Variants in ANO4 observed in about 807,000 individuals in gnomAD.
ANO4 encodes the protein anoctamin 4.
A neutral mutation model predicts 141.9 loss-of-function variants in ANO4; 69 were observed. The observed-to-expected ratio is 0.49, with a 90% CI of 0.40 to 0.59. ANO4 has a LOEUF of 0.59. ANO4 is among the 20% of genes least tolerant of loss of function. ANO4 has a pLI of 0.00. For missense variants in ANO4, 894 were observed against 1,162.2 expected (o/e 0.77, Z 3.36); for synonymous variants, 350 against 394.3 (o/e 0.89, Z 1.33).
At chr12:100,742,602 A>G (rs2031919757) in intron 3 of ANO4, among the ~76,000 whole-genome samples, 1 of 152,190 alleles carries the variant, frequency 6.6e-6, no homozygotes, top group South Asian at 2.1e-4. Context: ...TTTAGGCACA[A>G]TATAACTATA....
intron 1 of ANO4, among the ~76,000 whole-genome samples, chr12:100,801,093 G>GTCTC (rs35462149): frequency 0.033 from 4,898 of 147,204 alleles, 113 homozygotes; most frequent in African/African-American, 0.067. Flanking sequence ...TTGTCTACTT[G>GTCTC]TCTCTCTCTC....
chr12:100,939,211 A>C, intron 3 of ANO4, 104 bp from the exon 4 acceptor site: 1 of 1,186,244 alleles, frequency 8.4e-7, no homozygotes, highest in Non-Finnish European at 1.2e-6. Flanking sequence ...AGTTAATGAA[A>C]TGATGAGAAA....
At position 101,111,797 on chromosome 12, in the gene ANO4, A is replaced by G. The variant is rs572599789; in HGVS notation, c.2450+87A>G. The G allele has an allele frequency of 2.4e-5, 30 of 1,229,960 alleles. No homozygotes were observed. In the African/African-American group the frequency reaches 3.9e-4, roughly 16 times the overall value. The allele number at this position is 1,229,960 out of a possible 1,614,324, so 76.2% of individuals were successfully genotyped here. A position where few individuals can be genotyped will look rare whatever the true frequency, so the allele number is the denominator to read the frequency against. On this transcript the variant is annotated intron_variant, in intron 24 of 27. Coordinates refer to ENST00000392977, the MANE Select transcript of ANO4 (RefSeq NM_001286615.2). ...ACTCAGACAGAAGACTGCACTGGAG[A>G]ATATGGAATACATGCCCAGAAGGAG...
intron 1 of ANO4, among the ~76,000 whole-genome samples, chr12:100,832,154 C>A (rs575202764): frequency 6.6e-6 from 1 of 152,038 alleles, no homozygotes; most frequent in Non-Finnish European, 1.5e-5. Context: ...TTCCCCACCC[C>A]CCAATCCTCT....
intron 27 of ANO4, among the ~76,000 whole-genome samples, chr12:101,127,420 T>C (rs575730340): frequency 2.9e-4 from 44 of 152,164 alleles, no homozygotes; most frequent in Admixed American, 2.4e-3. Context: ...AACATGCCCC[T>C]TCTTTCTAGG....
At chr12:100,775,328 T>C (rs1285086531) in intron 3 of ANO4, among the ~76,000 whole-genome samples, 1 of 152,232 alleles carries the variant, frequency 6.6e-6, no homozygotes, top group Non-Finnish European at 1.5e-5. Flanking sequence ...CAGAGTTTGA[T>C]ATCAGAAGGA....
chr12:100,789,573 C>T (rs748225014), intron 3 of ANO4, among the ~76,000 whole-genome samples: 11 of 152,242 alleles, frequency 7.2e-5, no homozygotes, highest in Admixed American at 3.9e-4. Flanking sequence ...CAAAGATAAG[C>T]GGGACAAGTT....
intron 17 of ANO4, among the ~76,000 whole-genome samples, chr12:101,093,477 T>A (rs958666837): frequency 1.6e-4 from 25 of 152,296 alleles, no homozygotes; most frequent in African/African-American, 6.0e-4. Context: ...ATCTTCATAT[T>A]GTTCCAGTCT....
At chr12:100,939,288 C>T (rs763996112) in intron 3 of ANO4, 27 bp from the exon 4 acceptor site, 3 of 1,602,960 alleles carry the variant, frequency 1.9e-6, no homozygotes, top group Non-Finnish European at 2.6e-6. Flanking sequence ...TTTTACCCAC[C>T]TTATAATGTA....
intron 1 of ANO4, among the ~76,000 whole-genome samples, chr12:100,796,777 ATTCTTTAATGTTTAGCTGTTTACT>A (rs1378827746): frequency 7.2e-4 from 109 of 152,144 alleles, no homozygotes; most frequent in African/African-American, 2.6e-3. Context: ...TTCCTCTTTA[ATTCTTTAATGTTTAGCTGTTTACT>A]TTCATCCTTA....
intron 14 of ANO4, among the ~76,000 whole-genome samples, chr12:101,078,531 C>T (rs1311071239): frequency 6.6e-6 from 1 of 152,210 alleles, no homozygotes; most frequent in African/African-American, 2.4e-5. Flanking sequence ...GATTTCTCTG[C>T]ATGGGGAGGC....
At chr12:100,923,140 T>A (rs550768943) in intron 3 of ANO4, among the ~76,000 whole-genome samples, 1 of 152,228 alleles carries the variant, frequency 6.6e-6, no homozygotes, top group Non-Finnish European at 1.5e-5. Context: ...TTTTCTTTTC[T>A]TTTTTTATTA....
intron 8 of ANO4, among the ~76,000 whole-genome samples, chr12:100,990,022 T>C (rs895055415): frequency 3.7e-4 from 56 of 151,774 alleles, no homozygotes; most frequent in African/African-American, 9.9e-4. Context: ...GATGGATGGA[T>C]GGACAGATGG....
At chr12:100,750,842 C>A (rs1323590959) in intron 3 of ANO4, among the ~76,000 whole-genome samples, 3 of 152,118 alleles carry the variant, frequency 2.0e-5, no homozygotes, top group African/African-American at 7.2e-5. Flanking sequence ...GGGAGCTTAG[C>A]TGTCTTAGTT....
At chr12:101,107,491 G>A (rs1259502346) in intron 22 of ANO4, among the ~76,000 whole-genome samples, 3 of 152,084 alleles carry the variant, frequency 2.0e-5, no homozygotes, top group Non-Finnish European at 4.4e-5. Context: ...ACTCAAGAGG[G>A]TATATTTGAG....
chr12:100,827,736 A>G (rs562313075), intron 1 of ANO4, among the ~76,000 whole-genome samples: 1 of 152,148 alleles, frequency 6.6e-6, no homozygotes, highest in Admixed American at 6.5e-5. Context: ...TGCTTGATTT[A>G]TGGTTAGGAT....
intron 4 of ANO4, 88 bp from the exon 5 acceptor site, chr12:100,942,289 T>C (rs1293989767): frequency 6.8e-7 from 1 of 1,475,886 alleles, no homozygotes; most frequent in Non-Finnish European, 9.2e-7. Flanking sequence ...TGAAAAAAGT[T>C]ATTTAGTTTT....
chr12:100,879,480 G>C (rs2039466131), intron 1 of ANO4, among the ~76,000 whole-genome samples: 1 of 152,152 alleles, frequency 6.6e-6, no homozygotes. Flanking sequence ...TCAGGGTTGA[G>C]AGCAGATCTT....
intron 3 of ANO4, among the ~76,000 whole-genome samples, chr12:100,751,430 C>G (rs1022358266): frequency 3.3e-5 from 5 of 152,084 alleles, no homozygotes; most frequent in African/African-American, 1.2e-4. Context: ...TTCTCTCCAG[C>G]AAAGAGGCAC....
Sources: allele counts gnomAD v4.1 joint callset (sites outside exome capture counted in the v4.1 genomes callset), GRCh38; gene constraint gnomAD v4.1.1; transcripts MANE v1.5; gene names NCBI Gene and HGNC (gene_info 2026-07-23, HGNC 2026-07-21).